The following DACH2 variants were observed in gnomAD, a reference collection of about 807,000 sequenced individuals.
DACH2 encodes the protein dachshund homolog 2.
A neutral mutation model predicts 35.8 loss-of-function variants in DACH2; 17 were observed. That is an observed-to-expected ratio of 0.48 (90% CI 0.33 to 0.71). The LOEUF (loss-of-function observed/expected upper bound fraction) is 0.71. DACH2 is among the 30% of genes least tolerant of loss of function. The pLI, the probability that DACH2 is intolerant of heterozygous loss-of-function variation, is 0.02. For synonymous variants in DACH2, 195 were observed against 177.3 expected (o/e 1.10, Z -0.79); for missense variants, 469 against 472.7 (o/e 0.99, Z 0.07).
intron 1 of DACH2, among the ~76,000 whole-genome samples, chrX:86,374,701 C>T (rs753194790): frequency 9.0e-6 from 1 of 110,911 alleles, no homozygotes; most frequent in Non-Finnish European, 1.9e-5. Flanking sequence ...TTCATCATGA[C>T]TTTTGTTTCA....
intron 3 of DACH2, among the ~76,000 whole-genome samples, chrX:86,641,922 A>G (rs961433491): frequency 7.1e-5 from 8 of 112,108 alleles, no homozygotes; most frequent in African/African-American, 2.6e-4. Context: ...GGACTTTATT[A>G]CCACTAGAAG....
rs183910707 is a variant in DACH2 at position 86,408,954 on chromosome X, G to A, written c.527+32092G>A. 1.2e-4 allele frequency among the ~76,000 whole-genome samples: 13 copies of A among 111,705 alleles called. No individual in the cohort carries two copies. The East Asian group carries it at 3.7e-3, about 32-fold the overall frequency. ...AAATATGAATAGAGTAAAAGAAATG[G>A]ACAAACTACTCCAGAAAGTGAAAGT... is the stretch of plus-strand genomic sequence containing the variant. On this transcript the variant is annotated intron_variant, in intron 2 of 11. Transcript: ENST00000373125.
At chrX:86,523,816 A>G (rs1273220960) in intron 3 of DACH2, among the ~76,000 whole-genome samples, 1 of 111,127 alleles carries the variant, frequency 9.0e-6, no homozygotes, top group Non-Finnish European at 1.9e-5. Flanking sequence ...CTACAGGAGC[A>G]ATTGGGGAAG....
rs957057744 is a variant in DACH2 at position 86,782,672 on chromosome X, A to G, written c.1241-30184A>G. ...CACTGGGTAAAACACATTCTTTTCAATAAATGGTGTTGGGAAAACTGAATA... is the reference window on the plus strand; with the variant it reads ...CACTGGGTAAAACACATTCTTTTCAGTAAATGGTGTTGGGAAAACTGAATA... On this transcript the variant is annotated intron_variant, in intron 7 of 11. Transcript: ENST00000373125. 1.5e-4 allele frequency among the ~76,000 whole-genome samples: 17 copies of G among 112,058 alleles called. No individual in the cohort carries two copies. In the Admixed American group the frequency reaches 1.6e-3, roughly 11 times the overall value.
At chrX:86,809,961 A>G (rs1464372218) in intron 7 of DACH2, among the ~76,000 whole-genome samples, 1 of 110,525 alleles carries the variant, frequency 9.0e-6, no homozygotes, top group Non-Finnish European at 1.9e-5. Context: ...TTATATTTCT[A>G]TTTATTCTCC....
At chrX:86,783,565 A>G (rs1436159601) in intron 7 of DACH2, among the ~76,000 whole-genome samples, 1 of 112,257 alleles carries the variant, frequency 8.9e-6, no homozygotes, top group Non-Finnish European at 1.9e-5. Flanking sequence ...CATATACACA[A>G]TGGATTACTA....
intron 1 of DACH2, among the ~76,000 whole-genome samples, chrX:86,301,573 G>T (rs2034576256): frequency 9.0e-6 from 1 of 111,564 alleles, no homozygotes; most frequent in East Asian, 2.8e-4. Context: ...GCTCATTTTG[G>T]ACTGAAAGTG....
At chrX:86,700,140 T>C in intron 5 of DACH2, among the ~76,000 whole-genome samples, 1 of 111,392 alleles carries the variant, frequency 9.0e-6, no homozygotes, top group Non-Finnish European at 1.9e-5. Flanking sequence ...TATGATTTCT[T>C]TTTTTTCTCA....
chrX:86,294,170 C>G (rs1009381493), intron 1 of DACH2, among the ~76,000 whole-genome samples: 1 of 111,355 alleles, frequency 9.0e-6, no homozygotes, highest in African/African-American at 3.3e-5. Context: ...TCATTTCATT[C>G]ATTTCATCTT....
chrX:86,610,039 C>T, intron 3 of DACH2, among the ~76,000 whole-genome samples: 1 of 111,788 alleles, frequency 8.9e-6, no homozygotes, highest in Non-Finnish European at 1.9e-5. Context: ...CTGTGTTTTT[C>T]CCTTCAAGGC....
intron 7 of DACH2, among the ~76,000 whole-genome samples, chrX:86,778,855 C>T (rs1314159105): frequency 8.9e-6 from 1 of 111,777 alleles, no homozygotes; most frequent in African/African-American, 3.3e-5. Flanking sequence ...GTGATCTACC[C>T]GCCTTGGCCT....
At chrX:86,705,050 C>CATATATATATATATATCTCAT (rs2041197355) in intron 5 of DACH2, among the ~76,000 whole-genome samples, 1 of 75,284 alleles carries the variant, frequency 1.3e-5, no homozygotes, top group Non-Finnish European at 2.7e-5. Context: ...ATATATCTCA[C>CATATATATATATATATCTCAT]ATATATATAT....
chrX:86,292,900 C>T (rs187665884), intron 1 of DACH2, among the ~76,000 whole-genome samples: 1,194 of 105,466 alleles, frequency 0.011, 13 homozygotes, highest in African/African-American at 0.04. Context: ...AATGTATATT[C>T]TGTTGATTTG....
chrX:86,438,523 G>T (rs1229523855), intron 2 of DACH2, among the ~76,000 whole-genome samples: 1 of 111,572 alleles, frequency 9.0e-6, no homozygotes, highest in African/African-American at 3.3e-5. Flanking sequence ...ACGGCACTTG[G>T]CCCGAACTCA....
At chrX:86,721,226 G>A (rs5923612) in intron 6 of DACH2, among the ~76,000 whole-genome samples, 36,279 of 111,297 alleles carry the variant, frequency 0.33, 4,595 homozygotes, top group Middle Eastern at 0.44. Flanking sequence ...TATGCAGCTG[G>A]CTACAATTCC....
chrX:86,596,387 C>T (rs1173269699), intron 3 of DACH2, among the ~76,000 whole-genome samples: 8 of 110,515 alleles, frequency 7.2e-5, no homozygotes, highest in Non-Finnish European at 1.3e-4. Context: ...TTTTCAAACG[C>T]GTATTTTCTG....
intron 2 of DACH2, among the ~76,000 whole-genome samples, chrX:86,391,386 G>T (rs1056585182): frequency 1.0e-5 from 1 of 100,399 alleles, no homozygotes; most frequent in Non-Finnish European, 2.0e-5. Context: ...AATACGTTTT[G>T]AGGTTCTTTC....
At chrX:86,522,120 T>C (rs1194437686) in intron 3 of DACH2, among the ~76,000 whole-genome samples, 1 of 111,889 alleles carries the variant, frequency 8.9e-6, no homozygotes, top group African/African-American at 3.2e-5. Context: ...TTTTCCTACA[T>C]AAGGAAACCT....
rs192895417 is a variant in DACH2 at position 86,608,793 on chromosome X, A to T, written c.641-42243A>T. The stretch of plus-strand genomic sequence containing the variant: ...TTCAGCACTTTAAATATGCCATAGC[A>T]TTCTCTCCTATTCTGTAAGGTTTCC... On this transcript the variant is annotated intron_variant, in intron 3 of 11. Transcript: ENST00000373125. 1.6e-4 allele frequency among the ~76,000 whole-genome samples: 18 copies of T among 111,261 alleles called. No individual in the cohort carries two copies. In the Admixed American group the frequency reaches 1.7e-3, roughly 11 times the overall value.
Sources: allele counts gnomAD v4.1 joint callset (sites outside exome capture counted in the v4.1 genomes callset), GRCh38; gene constraint gnomAD v4.1.1; transcripts MANE v1.5; gene names NCBI Gene and HGNC (gene_info 2026-07-23, HGNC 2026-07-21).